The following GPHN variants were observed in gnomAD, a reference collection of about 807,000 sequenced individuals.
GPHN encodes the protein gephyrin.
GPHN carries 17 observed loss-of-function variants against 95.5 expected under a neutral mutation model. That is an observed-to-expected ratio of 0.18 (90% CI 0.12 to 0.27). The LOEUF is 0.27. Among genes scored for constraint, GPHN ranks in the 10% least tolerant of loss-of-function variants. GPHN has a pLI of 1.00. For missense variants in GPHN, 660 were observed against 978.1 expected (o/e 0.67, Z 4.34); for synonymous variants, 320 against 322.5 (o/e 0.99, Z 0.08).
At chr14:67,195,813 A>G in the GPHN span, among the ~76,000 whole-genome samples, 1 of 149,938 alleles carries the variant, frequency 6.7e-6, no homozygotes, top group Non-Finnish European at 1.5e-5. Context: ...GCACGATCTC[A>G]GCTCACTGCC....
At chr14:67,150,464 A>C (rs867516096) in intron 18 of GPHN, among the ~76,000 whole-genome samples, 3 of 136,098 alleles carry the variant, frequency 2.2e-5, no homozygotes, top group African/African-American at 2.6e-5. Flanking sequence ...AAAAAAAAAA[A>C]AAAAAAAAAC....
At position 66,965,338 on chromosome 14, in the gene GPHN, C is replaced by G; in HGVS notation, c.963+13C>G. 1.9e-6 allele frequency: 3 copies of G among 1,610,804 alleles called. No homozygotes were observed. The highest frequency in any genetic ancestry group is 2.5e-6 in the Non-Finnish European group (3 of 1,177,106). On this transcript the variant is annotated intron_variant, in intron 9 of 22. Coordinates refer to ENST00000478722, the MANE Select transcript of GPHN (RefSeq NM_020806.5). ...CCCAACACCAAAAGTAAGTATGGTT[C>G]CTTCGCATCTTACACCTGCTCTTCT...
At chr14:66,961,947 T>TATATACAC (rs1555452281) in intron 8 of GPHN, among the ~76,000 whole-genome samples, 2 of 75,120 alleles carry the variant, frequency 2.7e-5, no homozygotes, top group Non-Finnish European at 2.1e-5. Flanking sequence ...TATATATATA[T>TATATACAC]ACACATATCT....
the GPHN span, among the ~76,000 whole-genome samples, chr14:67,435,753 C>A: frequency 6.6e-6 from 1 of 152,218 alleles, no homozygotes; most frequent in Non-Finnish European, 1.5e-5. Context: ...CTAACAGGAC[C>A]TTTCTGCCTT....
At chr14:66,618,647 C>G (rs910944812) in intron 1 of GPHN, among the ~76,000 whole-genome samples, 1 of 152,124 alleles carries the variant, frequency 6.6e-6, no homozygotes, top group Non-Finnish European at 1.5e-5. Flanking sequence ...TCAGGATTAG[C>G]TCACTTCATA....
the GPHN span, among the ~76,000 whole-genome samples, chr14:67,492,197 G>A: frequency 1.8e-3 from 278 of 152,156 alleles, 2 homozygotes; most frequent in African/African-American, 6.5e-3. Context: ...CTGGTCCCAC[G>A]TCTATTTCCT....
intron 3 of GPHN, among the ~76,000 whole-genome samples, chr14:66,792,546 A>C (rs1176659981): frequency 1.3e-5 from 2 of 152,162 alleles, no homozygotes; most frequent in Non-Finnish European, 2.9e-5. Context: ...TGAAGATGAA[A>C]TAAAGACATG....
the GPHN span, among the ~76,000 whole-genome samples, chr14:67,399,230 G>A: frequency 2.0e-5 from 3 of 151,954 alleles, no homozygotes; most frequent in African/African-American, 7.3e-5. Flanking sequence ...GAGAAGGGTA[G>A]TTTAGGTGGC....
chr14:67,695,088 T>A, the GPHN span, among the ~76,000 whole-genome samples: 2 of 152,240 alleles, frequency 1.3e-5, no homozygotes, highest in Admixed American at 6.5e-5. Context: ...AGGATAGAGC[T>A]CATAACCAAA....
intron 3 of GPHN, among the ~76,000 whole-genome samples, chr14:66,792,579 C>T (rs995007751): frequency 2.0e-5 from 3 of 151,558 alleles, no homozygotes; most frequent in African/African-American, 7.3e-5. Context: ...AGTTTGTTGT[C>T]AGCAGACTCA....
chr14:66,943,552 C>T (rs890661729), intron 8 of GPHN, among the ~76,000 whole-genome samples: 56 of 152,280 alleles, frequency 3.7e-4, no homozygotes, highest in Admixed American at 3.6e-3. Flanking sequence ...GTTTAGTCCA[C>T]CTGTTTATAT....
At chr14:67,202,999 T>C in the GPHN span, 1 of 1,312,466 alleles carries the variant, frequency 7.6e-7, no homozygotes, top group East Asian at 2.3e-5. Flanking sequence ...CATTCCTCCT[T>C]TATTTCCTAC....
chr14:66,693,942 T>C (rs1391348548), intron 2 of GPHN, among the ~76,000 whole-genome samples: 1 of 152,188 alleles, frequency 6.6e-6, no homozygotes, highest in East Asian at 1.9e-4. Context: ...ACTATACAGC[T>C]TCAAGATTTA....
chr14:67,204,592 C>T, the GPHN span: 1 of 1,613,682 alleles, frequency 6.2e-7, no homozygotes, highest in Non-Finnish European at 8.5e-7. Context: ...GAACATGAGC[C>T]TGAAAGTAAA....
At chr14:66,840,736 C>CAAAA (rs553788734) in intron 4 of GPHN, among the ~76,000 whole-genome samples, 1,275 of 81,130 alleles carry the variant, frequency 0.016, 6 homozygotes, top group Non-Finnish European at 0.03. Flanking sequence ...GCAGGCCATA[C>CAAAA]AAAAAAAAAA....
the GPHN span, chr14:67,724,713 G>C: frequency 1.3e-6 from 1 of 799,072 alleles, no homozygotes; most frequent in African/African-American, 1.7e-5. Flanking sequence ...GAAATTCAAG[G>C]AACCTGGGAT....
At chr14:66,847,427 TTCTTA>T (rs932029601) in intron 4 of GPHN, among the ~76,000 whole-genome samples, 26 of 152,054 alleles carry the variant, frequency 1.7e-4, no homozygotes, top group African/African-American at 2.4e-4. Context: ...AATATACTTT[TTCTTA>T]TCTTATGATC....
At chr14:66,815,059 T>A (rs1479244701) in intron 3 of GPHN, among the ~76,000 whole-genome samples, 1 of 151,840 alleles carries the variant, frequency 6.6e-6, no homozygotes, top group African/African-American at 2.4e-5. Context: ...GAGGAAAGAA[T>A]CTCAGAGCTT....
chr14:67,389,539 T>C, the GPHN span, among the ~76,000 whole-genome samples: 3 of 152,334 alleles, frequency 2.0e-5, no homozygotes, highest in African/African-American at 7.2e-5. Context: ...TCTTCTGCAC[T>C]GTTTCCATCT....
Sources: allele counts gnomAD v4.1 joint callset (sites outside exome capture counted in the v4.1 genomes callset), GRCh38; gene constraint gnomAD v4.1.1; transcripts MANE v1.5; gene names NCBI Gene and HGNC (gene_info 2026-07-23, HGNC 2026-07-21).